LPIN1: variants seen among roughly 807,000 people sequenced by gnomAD.
LPIN1 encodes the protein lipin 1, also known as phosphatidate phosphatase LPIN1.
In LPIN1, 71 loss-of-function variants were observed where a neutral mutation model predicts 107.5. The ratio of observed to expected loss-of-function variants is 0.66; its 90% CI spans 0.55 to 0.80. The LOEUF (loss-of-function observed/expected upper bound fraction) is 0.80, where lower values mean the gene tolerates loss of function less well. Ranked by LOEUF, LPIN1 falls within the 30% of genes least tolerant of loss-of-function variation. LPIN1 has a pLI of 0.00. For synonymous variants in LPIN1, 445 were observed against 452.6 expected, an observed-to-expected ratio of 0.98 and a Z score of 0.21; for missense variants, 1,043 against 1,160.6, an observed-to-expected ratio of 0.90 and a Z score of 1.47.
chr2:11,716,922 C>T (rs898743794), intron 2 of LPIN1, among the ~76,000 whole-genome samples: 4 of 152,168 alleles, frequency 2.6e-5, no homozygotes, highest in African/African-American at 4.8e-5. Context: ...ACTTTGATTG[C>T]GACATTTCTA....
intron 1 of LPIN1, among the ~76,000 whole-genome samples, chr2:11,713,502 C>T (rs1177888931): frequency 6.6e-6 from 1 of 152,204 alleles, no homozygotes; most frequent in African/African-American, 2.4e-5. Flanking sequence ...AACTCCTGAC[C>T]TCAGGTGATC....
intron 1 of LPIN1, among the ~76,000 whole-genome samples, chr2:11,750,148 C>G (rs113320670): frequency 0.011 from 1,723 of 152,278 alleles, 15 homozygotes; most frequent in Middle Eastern, 0.017. Context: ...GTCCCCTAGC[C>G]ACACACACTC....
At chr2:11,759,119 G>T (rs1395152592) in intron 1 of LPIN1, among the ~76,000 whole-genome samples, 100 of 147,730 alleles carry the variant, frequency 6.8e-4, no homozygotes, top group African/African-American at 2.5e-3. Flanking sequence ...GAGCTAGCTA[G>T]CTTGCTTTCT....
intron 1 of LPIN1, among the ~76,000 whole-genome samples, chr2:11,734,112 T>G (rs184072617): frequency 1.3e-5 from 2 of 152,354 alleles, no homozygotes; most frequent in Non-Finnish European, 2.9e-5. Context: ...GACCAGTTTG[T>G]ATTAAATTAG....
At chr2:11,703,948 C>T (rs1450319174) in intron 1 of LPIN1, among the ~76,000 whole-genome samples, 1 of 152,130 alleles carries the variant, frequency 6.6e-6, no homozygotes, top group Admixed American at 6.5e-5. Flanking sequence ...GATGGGCTGG[C>T]CTGGAAGGGT....
At chr2:11,746,789 C>A in intron 1 of LPIN1, 118 bp downstream of exon 1, 1 of 416,464 alleles carries the variant, frequency 2.4e-6, no homozygotes, top group Non-Finnish European at 3.2e-6. Flanking sequence ...GGGCTCGGCC[C>A]CGGGGCCCGA....
intron 1 of LPIN1, among the ~76,000 whole-genome samples, chr2:11,680,128 G>A (rs1202910726): frequency 1.3e-5 from 2 of 152,202 alleles, no homozygotes; most frequent in Non-Finnish European, 2.9e-5. Context: ...GCTGAGGGGG[G>A]ATGCAGGAGA....
upstream of LPIN1, chr2:11,746,544 C>T: frequency 1.8e-6 from 1 of 555,298 alleles, no homozygotes; most frequent in Non-Finnish European, 2.3e-6. Context: ...CCCCCTCGCA[C>T]CGCCCCGCTT....
chr2:11,771,406 T>A lies in LPIN1; in HGVS notation c.323T>A (p.Ile108Asn). ...VIPMHLATSPILSEGASRMEC... is the reference protein window; with the variant it reads ...VIPMHLATSPNLSEGASRMEC... Reference sequence around the variant, plus strand: ...CCTATGCACCTGGCCACCTCCCCCATCCTGTCAGAAGGAGCTTCGAGAATG... The same window carrying A: ...CCTATGCACCTGGCCACCTCCCCCAACCTGTCAGAAGGAGCTTCGAGAATG... The change falls in exon 4 of 21, where the codon ATC (isoleucine) becomes AAC (asparagine). Residue 108 changes from isoleucine (I) to asparagine (N), a missense_variant. Ile to Asn is a moderately radical substitution (Grantham distance 149, BLOSUM62 -3). Coordinates refer to ENST00000674199, the MANE Select transcript of LPIN1 (RefSeq NM_001349206.2). The surrounding 1 kb of genome is among the most constrained non-coding windows in gnomAD (Gnocchi z 4.8). 1 of 1,614,168 alleles carries A rather than the reference T, an allele frequency of 6.2e-7. No individual in the cohort carries two copies. The highest frequency in any genetic ancestry group is 8.5e-7 in the Non-Finnish European group (1 of 1,180,014).
At chr2:11,823,330 C>T (rs1480055252) in intron 20 of LPIN1, among the ~76,000 whole-genome samples, 1 of 152,146 alleles carries the variant, frequency 6.6e-6, no homozygotes, top group Non-Finnish European at 1.5e-5. Flanking sequence ...CAGGGAGGGG[C>T]CCTGCTGCCG....
At chr2:11,802,774 T>C (rs927346008) in intron 14 of LPIN1, 133 bp from the exon 15 acceptor site, 5 of 997,868 alleles carry the variant, frequency 5.0e-6, no homozygotes, top group Admixed American at 3.4e-5. Flanking sequence ...TAACGTCTTA[T>C]GGTAAATGAC....
At chr2:11,725,593 C>A (rs1664557375) in intron 1 of LPIN1, among the ~76,000 whole-genome samples, 1 of 152,210 alleles carries the variant, frequency 6.6e-6, no homozygotes, top group Non-Finnish European at 1.5e-5. Context: ...TTTTATGTAA[C>A]CCTGGGAACC....
At chr2:11,813,362 TATATC>T (rs987194725) in intron 17 of LPIN1, among the ~76,000 whole-genome samples, 9 of 152,210 alleles carry the variant, frequency 5.9e-5, no homozygotes, top group Non-Finnish European at 1.2e-4. Context: ...ATTAATGAAA[TATATC>T]ATACCTTCTT....
intron 3 of LPIN1, 85 bp downstream of exon 3, chr2:11,767,943 A>G (rs1437276888): frequency 5.6e-6 from 5 of 886,094 alleles, no homozygotes; most frequent in Non-Finnish European, 9.6e-6. Context: ...AAGTTTGTGC[A>G]AAGTAATACC....
chr2:11,679,587 C>T (rs1312587412), intron 1 of LPIN1, among the ~76,000 whole-genome samples: 1 of 152,170 alleles, frequency 6.6e-6, no homozygotes, highest in South Asian at 2.1e-4. Context: ...TGTATTCCAT[C>T]GCTCTTCCAA....
intron 1 of LPIN1, among the ~76,000 whole-genome samples, chr2:11,710,275 TG>T (rs1306155973): frequency 6.6e-6 from 1 of 151,940 alleles, no homozygotes; most frequent in African/African-American, 2.4e-5. Context: ...GGCAGGGGTG[TG>T]GGTGGGGACA....
chr2:11,736,902 G>A lies in LPIN1; in HGVS notation c.-71-4447G>A, dbSNP rs554184233. Among the ~76,000 whole-genome samples the A allele has an allele frequency of 2.0e-5, 3 of 152,340 alleles. No individual in the cohort carries two copies. In the South Asian group the frequency reaches 6.2e-4, roughly 32 times the overall value. ...GCCTAATAGTTTGAATATCATCCCT[G>A]GGACTGGCAAAGGAGGCAGTGTGGA... On this transcript the variant is annotated intron_variant, in intron 1 of 21. Transcript: ENST00000396097.
At chr2:11,801,091 A>G (rs1164301321) in intron 14 of LPIN1, among the ~76,000 whole-genome samples, 1 of 152,250 alleles carries the variant, frequency 6.6e-6, no homozygotes, top group Non-Finnish European at 1.5e-5. Context: ...TATTATCAAA[A>G]AGACAAAAAA....
At chr2:11,717,081 G>A (rs939734199) in intron 2 of LPIN1, among the ~76,000 whole-genome samples, 1 of 152,230 alleles carries the variant, frequency 6.6e-6, no homozygotes, top group African/African-American at 2.4e-5. Context: ...TTTTGTCGGG[G>A]GAGGAAGTGA....
Sources: gnomAD v4.1 joint callset for allele counts (sites outside exome capture counted in the v4.1 genomes callset) on GRCh38, gnomAD v4.1.1 for gene constraint, Gnocchi (gnomAD v3.1) non-coding constraint, MANE v1.5 for transcripts, NCBI Gene and HGNC (gene_info 2026-07-23, HGNC 2026-07-21) for gene names.